HIBCH: variants seen among roughly 807,000 people sequenced by gnomAD.
The protein encoded by HIBCH is 3-hydroxyisobutyryl-CoA hydrolase, mitochondrial.
A neutral mutation model predicts 58.2 loss-of-function variants in HIBCH; 50 were observed. That is an observed-to-expected ratio of 0.86 (90% CI 0.68 to 1.09). The LOEUF (loss-of-function observed/expected upper bound fraction) is 1.09. Ranked by LOEUF, HIBCH falls within the 50% of genes least tolerant of loss-of-function variation. The probability of loss-of-function intolerance (pLI) is 0.00; values close to 1 mark genes in which losing one functional copy is unlikely to be tolerated. For missense variants in HIBCH, 450 were observed against 449.7 expected (o/e 1.00, Z -0.01); for synonymous variants, 151 against 146.9 (o/e 1.03, Z -0.20).
Position 190,217,907 on chromosome 2 carries a change from TA to T in HIBCH, c.892-4833del, listed in dbSNP as rs1685605833. ...AAATCACCTAAGAAACCCTTAAAGC[TA>T]ACTCTAAGGAAAACCTAAAGGAAGC... On this transcript the variant is annotated intron_variant, in intron 11 of 13. Transcript: ENST00000359678. The surrounding 1 kb of genome is among the most constrained non-coding windows in gnomAD (Gnocchi z 4.6). Among the ~76,000 whole-genome samples, 2 of 152,012 alleles carry T rather than the reference TA, an allele frequency of 1.3e-5. No homozygotes were observed. Among genetic ancestry groups the T allele is most frequent in the Non-Finnish European group, 2.9e-5 (2 of 68,008 alleles).
chr2:190,199,653 T>C, downstream of HIBCH: 1 of 1,291,904 alleles, frequency 7.7e-7, no homozygotes, highest in South Asian at 1.8e-5. Context: ...ATACACTATT[T>C]TGCATTCTGT....
chr2:190,227,238 C>T (rs1270761530), intron 11 of HIBCH, among the ~76,000 whole-genome samples: 4 of 152,096 alleles, frequency 2.6e-5, no homozygotes, highest in Non-Finnish European at 5.9e-5. Flanking sequence ...GAGATATAGA[C>T]CAATGGAACA....
chr2:190,289,727 C>T (rs1203097744), intron 5 of HIBCH, among the ~76,000 whole-genome samples: 1 of 152,016 alleles, frequency 6.6e-6, no homozygotes, highest in East Asian at 1.9e-4. Context: ...AAAAGTACTG[C>T]TTCACCTCCA....
intron 1 of HIBCH, among the ~76,000 whole-genome samples, chr2:190,314,383 A>ACG (rs1688657911): frequency 1.1e-5 from 1 of 89,244 alleles, no homozygotes; most frequent in African/African-American, 4.6e-5. Context: ...ATATATGTGT[A>ACG]TATATATGTA....
chr2:190,246,392 T>C (rs1686609361), intron 9 of HIBCH, among the ~76,000 whole-genome samples, 180 bp from the exon 10 acceptor site: 1 of 152,244 alleles, frequency 6.6e-6, no homozygotes, highest in Non-Finnish European at 1.5e-5. Flanking sequence ...TGTAGAACTC[T>C]AGACTAGCTC....
rs187279371 is a variant in HIBCH, at chr2:190,276,237, A to G, written c.438+11349T>C. 9.8e-5 allele frequency among the ~76,000 whole-genome samples: 15 copies of G among 152,292 alleles called. No homozygotes were observed. In the East Asian group the frequency reaches 2.7e-3, roughly 27 times the overall value. On this transcript the variant is annotated intron_variant, in intron 6 of 13. Transcript: ENST00000359678. ...GAAAAGTTAGCCAAAGCTTTAGCGG[A>G]AAAAGGCCCAAAGTTTCATCAGAGA...
chr2:190,202,920 T>G (rs1397825146), downstream of HIBCH: 9 of 167,108 alleles, frequency 5.4e-5, no homozygotes, highest in Non-Finnish European at 7.3e-5. Context: ...CCTTTGATCC[T>G]AAAATTCTCT....
chr2:190,222,271 T>G (rs1685742939), intron 11 of HIBCH, among the ~76,000 whole-genome samples: 1 of 151,884 alleles, frequency 6.6e-6, no homozygotes, highest in Non-Finnish European at 1.5e-5. Flanking sequence ...GCAAATGGAG[T>G]CTGTCCCTGC....
intron 11 of HIBCH, among the ~76,000 whole-genome samples, chr2:190,225,597 A>G (rs1685866024): frequency 6.6e-6 from 1 of 152,238 alleles, no homozygotes; most frequent in South Asian, 2.1e-4. Context: ...GAATAGACCA[A>G]TAACAGGCTC....
At chr2:190,257,487 TCTAA>T (rs1431569763) in intron 7 of HIBCH, among the ~76,000 whole-genome samples, 2 of 151,446 alleles carry the variant, frequency 1.3e-5, no homozygotes, top group South Asian at 4.2e-4. Context: ...TTAATAAACC[TCTAA>T]CTAGATTGAT....
At chr2:190,237,461 CA>C (rs1194138850) in intron 11 of HIBCH, among the ~76,000 whole-genome samples, 19 of 152,238 alleles carry the variant, frequency 1.2e-4, no homozygotes, top group African/African-American at 4.3e-4. Flanking sequence ...AATTAATATG[CA>C]TTCAGCTGTT....
At chr2:190,241,447 T>A (rs1007455365) in intron 11 of HIBCH, among the ~76,000 whole-genome samples, 2 of 152,180 alleles carry the variant, frequency 1.3e-5, no homozygotes, top group Non-Finnish European at 2.9e-5. Context: ...TTTTAATTGG[T>A]GCATTTAGCC....
intron 6 of HIBCH, among the ~76,000 whole-genome samples, chr2:190,262,108 G>A (rs1280020740): frequency 6.8e-6 from 1 of 147,222 alleles, no homozygotes; most frequent in Admixed American, 6.9e-5. Context: ...TCTGACATTT[G>A]AGCTAAAGAT....
chr2:190,312,832 C>G (rs548208600), intron 1 of HIBCH, among the ~76,000 whole-genome samples: 1 of 152,336 alleles, frequency 6.6e-6, no homozygotes, highest in African/African-American at 2.4e-5. Context: ...GGCATGGTGA[C>G]TCATGCCTGT....
Position 190,204,009 on chromosome 2 carries a change from A to G in HIBCH, c.*1108T>C, listed in dbSNP as rs1204315741. On this transcript the variant is annotated 3_prime_UTR_variant, in exon 14 of 14. Transcript: ENST00000359678. ...TTTGTTAATTTATAAACTTACCTTT[A>G]AAATTAAACAAAAATTACAAACAAA... 6.6e-6 allele frequency: 1 copy of G among 152,084 alleles called. No homozygotes were observed. The highest frequency in any genetic ancestry group is 6.5e-5 in the Admixed American group (1 of 15,268). 9.4% of individuals were successfully genotyped at this position (152,084 alleles called of 1,614,324 possible). A position where few individuals can be genotyped will look rare whatever the true frequency, so the allele number is the denominator to read the frequency against.
At chr2:190,282,813 A>G (rs1687737721) in intron 6 of HIBCH, among the ~76,000 whole-genome samples, 1 of 150,564 alleles carries the variant, frequency 6.6e-6, no homozygotes, top group South Asian at 2.1e-4. Context: ...TTTCTCTATA[A>G]CTGTATATTC....
chr2:190,251,036 G>A (rs901047287), intron 8 of HIBCH, among the ~76,000 whole-genome samples: 2 of 152,084 alleles, frequency 1.3e-5, no homozygotes, highest in Non-Finnish European at 2.9e-5. Flanking sequence ...CAAAACAGAA[G>A]AATGTTACAG....
In HIBCH at chr2:190,216,742, G is replaced by A. The variant is rs1685551439; in HGVS notation, c.892-3667C>T. 6.6e-6 allele frequency among the ~76,000 whole-genome samples: 1 copy of A among 152,230 alleles called. No individual in the cohort carries two copies. The highest frequency in any genetic ancestry group is 2.1e-4 in the South Asian group (1 of 4,832). ...ATGCCAGTTTGCAATCCCTGAAGTA[G>A]AGAGAGCTCGTGCTGGGGAGAAGTC... On this transcript the variant is annotated intron_variant, in intron 11 of 13. Coordinates refer to ENST00000359678, the MANE Select transcript of HIBCH (RefSeq NM_014362.4). This position sits in a 1 kb window ranked among gnomAD's most constrained non-coding sequence, Gnocchi z 4.2.
chr2:190,233,728 A>C (rs139598877), intron 11 of HIBCH, among the ~76,000 whole-genome samples: 2,347 of 152,380 alleles, frequency 0.015, 19 homozygotes, highest in Middle Eastern at 0.031. Context: ...CAGGAACTTC[A>C]TAAGAAAGAC....
Sources: allele counts gnomAD v4.1 joint callset (sites outside exome capture counted in the v4.1 genomes callset), GRCh38; gene constraint gnomAD v4.1.1; non-coding constraint Gnocchi (gnomAD v3.1); transcripts MANE v1.5; gene names NCBI Gene and HGNC (gene_info 2026-07-23, HGNC 2026-07-21).